The following SHTN1 variants were observed in gnomAD, a reference collection of about 807,000 sequenced individuals.
SHTN1 encodes shootin 1.
A neutral mutation model predicts 83.1 loss-of-function variants in SHTN1; 42 were observed. The ratio of observed to expected loss-of-function variants is 0.51; its 90% CI spans 0.39 to 0.65. The LOEUF (loss-of-function observed/expected upper bound fraction) is 0.65, where lower values mean the gene tolerates loss of function less well. Among genes scored for constraint, SHTN1 ranks in the 30% least tolerant of loss-of-function variants. SHTN1 has a pLI of 0.00. For synonymous variants in SHTN1, 224 were observed against 247.7 expected, an observed-to-expected ratio of 0.90 and a Z score of 0.90; for missense variants, 622 against 737.8, an observed-to-expected ratio of 0.84 and a Z score of 1.82.
At chr10:117,008,979 G>A (rs1852061827), upstream of SHTN1, among the ~76,000 whole-genome samples, 1 of 152,130 alleles carries the variant, frequency 6.6e-6, no homozygotes, top group African/African-American at 2.4e-5. Flanking sequence ...GCTGGGCGTG[G>A]TGGCACATGC....
At chr10:117,118,048 T>C (rs1853873283) in intron 1 of SHTN1, among the ~76,000 whole-genome samples, 1 of 152,136 alleles carries the variant, frequency 6.6e-6, no homozygotes, top group African/African-American at 2.4e-5. Flanking sequence ...TGGGATTACA[T>C]TGAGCTAAAA....
chr10:117,010,416 A>G (rs191981608), upstream of SHTN1, among the ~76,000 whole-genome samples: 650 of 152,278 alleles, frequency 4.3e-3, 2 homozygotes, highest in African/African-American at 0.015. Flanking sequence ...AAAGTATTAA[A>G]AAAAGAAAAG....
intron 2 of SHTN1, among the ~76,000 whole-genome samples, chr10:117,029,270 C>A (rs183886455): frequency 5.9e-5 from 9 of 152,306 alleles, no homozygotes; most frequent in African/African-American, 1.9e-4. Flanking sequence ...AATGTTTATA[C>A]CTCCATTGTA....
chr10:117,010,096 GATAAA>G (rs1024648546), upstream of SHTN1, among the ~76,000 whole-genome samples: 5 of 151,628 alleles, frequency 3.3e-5, no homozygotes, highest in South Asian at 2.1e-4. Flanking sequence ...TTAGAGTGGA[GATAAA>G]ATAAAAGACA....
chr10:117,092,644 G>A (rs916159097), intron 1 of SHTN1, among the ~76,000 whole-genome samples: 7 of 152,302 alleles, frequency 4.6e-5, no homozygotes, highest in Non-Finnish European at 7.4e-5. Flanking sequence ...GCTGGTTTGG[G>A]TCACTGAGAG....
chr10:117,124,750 G>T (rs1363619121), intron 1 of SHTN1, among the ~76,000 whole-genome samples: 1 of 152,186 alleles, frequency 6.6e-6, no homozygotes, highest in Non-Finnish European at 1.5e-5. Flanking sequence ...CTCCAGCCTG[G>T]GCGATGCAGT....
At chr10:116,912,357 G>T (rs1235509564) in intron 13 of SHTN1, among the ~76,000 whole-genome samples, 2 of 152,184 alleles carry the variant, frequency 1.3e-5, no homozygotes, top group Non-Finnish European at 2.9e-5. Flanking sequence ...TTTCACAAGA[G>T]GACAGAGTCG....
At position 116,882,172 on chromosome 10, in the gene SHTN1, T is replaced by C. The variant is rs1383654800; in HGVS notation, c.*4172A>G. ...CATCACCATTTTTTGTAAGAGCCAA[T>C]TTCATCTCACTTTCCTACCCTTGAT... On this transcript the variant is annotated 3_prime_UTR_variant, in exon 17 of 17. Transcript: ENST00000355371. The C allele has an allele frequency of 6.6e-6, 1 of 152,324 alleles. No individual in the cohort carries two copies. Among genetic ancestry groups the C allele is most frequent in the African/African-American group, 2.4e-5 (1 of 41,454 alleles). The allele number at this position is 152,324 out of a possible 1,614,324, so 9.4% of individuals were successfully genotyped here. A position where few individuals can be genotyped will look rare whatever the true frequency, so the allele number is the denominator to read the frequency against.
rs116848294 is a variant in SHTN1, at chr10:116,967,634, C to T, written c.172+1018G>A. On this transcript the variant is annotated intron_variant, in intron 3 of 16. Transcript: ENST00000355371. Reference sequence around the variant, plus strand: ...GTAACATCACGTAACGTAAGATCTACCCTCTTAGTAAATTTTAAGTATACA... The same window carrying T: ...GTAACATCACGTAACGTAAGATCTATCCTCTTAGTAAATTTTAAGTATACA... Among the ~76,000 whole-genome samples the T allele has an allele frequency of 4.8e-3, 725 of 152,218 alleles. 3 individuals are homozygous for T. The highest frequency in any genetic ancestry group is 7.9e-3 in the Non-Finnish European group (538 of 68,022).
chr10:116,886,662 T>C, intron 16 of SHTN1, 96 bp from the exon 17 acceptor site: 1 of 1,529,626 alleles, frequency 6.5e-7, no homozygotes, highest in Non-Finnish European at 8.9e-7. Context: ...AAACCCAAAA[T>C]GTTCTAAGTC....
At chr10:116,961,967 C>T (rs1392762727) in intron 3 of SHTN1, among the ~76,000 whole-genome samples, 1 of 152,062 alleles carries the variant, frequency 6.6e-6, no homozygotes, top group Non-Finnish European at 1.5e-5. Flanking sequence ...GTGGTCTTAT[C>T]ATTATAACAC....
At chr10:116,940,764 G>C (rs1315964141) in intron 8 of SHTN1, 152 bp from the exon 9 acceptor site, 1 of 538,784 alleles carries the variant, frequency 1.9e-6, no homozygotes, top group Non-Finnish European at 3.1e-6. Flanking sequence ...TGATTGCTAT[G>C]ATTTCATTCC....
chr10:117,065,793 G>A (rs1400953608), intron 1 of SHTN1, among the ~76,000 whole-genome samples: 22 of 13,986 alleles, frequency 1.6e-3, no homozygotes, highest in East Asian at 6.1e-3. Context: ...AGGAAGGAAG[G>A]AAGGAAGGAA....
chr10:117,087,757 A>C (rs1853371034), intron 1 of SHTN1, among the ~76,000 whole-genome samples: 1 of 152,372 alleles, frequency 6.6e-6, no homozygotes, highest in East Asian at 1.9e-4. Flanking sequence ...GAAAGCAAAA[A>C]GACAAACTAC....
chr10:117,084,670 T>C (rs1255928942), intron 1 of SHTN1, among the ~76,000 whole-genome samples: 2 of 152,058 alleles, frequency 1.3e-5, no homozygotes, highest in South Asian at 2.1e-4. Context: ...CTCAGACTGC[T>C]GTGCTAGCAA....
intron 1 of SHTN1, among the ~76,000 whole-genome samples, chr10:117,063,657 A>G (rs1852932684): frequency 6.6e-6 from 1 of 152,098 alleles, no homozygotes; most frequent in African/African-American, 2.4e-5. Context: ...AAGATCCTAC[A>G]TGATCTTGTC....
At chr10:117,033,765 T>TA (rs1385634851) in intron 2 of SHTN1, among the ~76,000 whole-genome samples, 1 of 151,970 alleles carries the variant, frequency 6.6e-6, no homozygotes, top group East Asian at 1.9e-4. Flanking sequence ...TGACTATTGA[T>TA]AAAAAATCCT....
chr10:117,103,184 G>A (rs1241768578), intron 1 of SHTN1, among the ~76,000 whole-genome samples: 1 of 151,954 alleles, frequency 6.6e-6, no homozygotes, highest in African/African-American at 2.4e-5. Flanking sequence ...CTGCCTCCCG[G>A]GTTCAAGCAA....
chr10:117,018,838 T>C (rs1200503726), intron 2 of SHTN1, among the ~76,000 whole-genome samples: 3 of 152,164 alleles, frequency 2.0e-5, no homozygotes, highest in Non-Finnish European at 4.4e-5. Context: ...CCCAAAGTGC[T>C]GGGATTACAG....
Sources: allele counts gnomAD v4.1 joint callset (sites outside exome capture counted in the v4.1 genomes callset), GRCh38; gene constraint gnomAD v4.1.1; transcripts MANE v1.5; gene names NCBI Gene and HGNC (gene_info 2026-07-23, HGNC 2026-07-21).